CDON: variants seen among roughly 807,000 people sequenced by gnomAD.
The protein encoded by CDON is cell adhesion molecule-related/down-regulated by oncogenes.
CDON carries 73 observed loss-of-function variants against 120.9 expected under a neutral mutation model. The ratio of observed to expected loss-of-function variants is 0.60; its 90% CI spans 0.50 to 0.73. The LOEUF (loss-of-function observed/expected upper bound fraction) is 0.73, where lower values mean the gene tolerates loss of function less well. Ranked by LOEUF, CDON falls within the 30% of genes least tolerant of loss-of-function variation. CDON has a pLI of 0.00. For missense variants in CDON, 1,470 were observed against 1,587.3 expected (o/e 0.93, Z 1.26); for synonymous variants, 566 against 573.5 (o/e 0.99, Z 0.19).
chr11:126,005,875 C>A lies in CDON; in HGVS notation c.1735G>T (p.Ala579Ser). The A allele has an allele frequency of 4.3e-6, 7 of 1,614,026 alleles. No homozygotes were observed. The highest frequency in any genetic ancestry group is 5.9e-6 in the Non-Finnish European group (7 of 1,179,984). Residue 579 changes from alanine (A) to serine (S), a missense_variant, in exon 9 of 20, where the codon GCC becomes TCC. Physicochemically the swap from Ala to Ser is moderately conservative, Grantham distance 99. Transcript: ENST00000531738. Reference protein sequence around the residue: ...KNASGISVPDAPIILSPPQTH... With the variant: ...KNASGISVPDSPIILSPPQTH... ...TGTGGGGGGCTCAGTATGATGGGGG[C>A]ATCAGGAACAGAGATGCCGCTGGCG...
At chr11:125,999,583 A>C (rs80112303) in intron 11 of CDON, among the ~76,000 whole-genome samples, 4,293 of 152,246 alleles carry the variant, frequency 0.028, 75 homozygotes, top group Middle Eastern at 0.058. Context: ...CATTTCCAAA[A>C]CTGAATCCAT....
intron 15 of CDON, among the ~76,000 whole-genome samples, chr11:125,985,892 C>A (rs546600): frequency 0.23 from 34,306 of 150,922 alleles, 4,054 homozygotes; most frequent in Non-Finnish European, 0.25. Context: ...TTCAACCATT[C>A]TGGAAGACAG....
At chr11:126,052,320 G>A (rs1948583718) in intron 1 of CDON, among the ~76,000 whole-genome samples, 1 of 152,062 alleles carries the variant, frequency 6.6e-6, no homozygotes, top group Admixed American at 6.5e-5. Context: ...CCTTAAAAAG[G>A]ACTCATACTA....
rs748459324 is a variant in CDON at position 125,997,221 on chromosome 11, C to T, written c.2348G>A (p.Arg783His). The part of the protein sequence containing the change: ...IPPSKLSVEV[R>H]SLEPGSTYKF... The stretch of plus-strand genomic sequence containing the variant: ...AATATTACTACCTGGTTCTAAACTA[C>T]GAACTTCCACTGAAAGTTTGGAAGG... The change falls in exon 12 of 20, where the codon CGT becomes CAT. Residue 783 changes from arginine (R) to histidine (H), a missense_variant. Coordinates refer to ENST00000531738, the MANE Select transcript of CDON (RefSeq NM_001378964.1). The T allele has an allele frequency of 3.7e-6, 6 of 1,612,686 alleles. No homozygotes were observed. Among genetic ancestry groups the T allele is most frequent in the Middle Eastern group, 1.6e-4 (1 of 6,082 alleles).
chr11:125,964,886 G>A (rs547715920), intron 18 of CDON, among the ~76,000 whole-genome samples: 5 of 152,224 alleles, frequency 3.3e-5, no homozygotes, highest in Middle Eastern at 3.4e-3. Context: ...ATCTTTCGTC[G>A]GGGCAACCTA....
At chr11:125,994,809 T>C in intron 13 of CDON, 62 bp downstream of exon 13, 1 of 1,403,074 alleles carries the variant, frequency 7.1e-7, no homozygotes, top group Non-Finnish European at 1.0e-6. Context: ...GTCATGAGAA[T>C]ATTAAATTGA....
Position 125,981,256 on chromosome 11 carries a change from T to C in CDON, c.3069A>G (p.Ser1023=). 1 of 1,614,060 alleles carries C rather than the reference T, an allele frequency of 6.2e-7. No individual in the cohort carries two copies. The highest frequency in any genetic ancestry group is 2.2e-5 in the East Asian group (1 of 44,894). ...NGQMVDYTTL[S]GASQINGNVH... ...CATTTCCATTTATCTGACTTGCTCC[T>C]GAGAGAGTGGTGTAGTCCACCATCT... Residue 1023 remains serine (S), a synonymous_variant, in exon 17 of 20, where the codon TCA becomes TCG. Coordinates refer to ENST00000531738, the MANE Select transcript of CDON (RefSeq NM_001378964.1).
At chr11:126,026,712 C>T (rs11606876) in intron 1 of CDON, among the ~76,000 whole-genome samples, 15,854 of 152,206 alleles carry the variant, frequency 0.1, 1,064 homozygotes, top group Middle Eastern at 0.24. Context: ...AATGACTCAG[C>T]GGCAGAAGAG....
chr11:125,996,161 A>AACACACAC (rs35536827), intron 12 of CDON, among the ~76,000 whole-genome samples: 4 of 145,932 alleles, frequency 2.7e-5, no homozygotes, highest in Non-Finnish European at 1.5e-5. Flanking sequence ...GTCACAGCAA[A>AACACACAC]ACACACACAC....
At chr11:126,056,381 C>T (rs1948680830) in intron 1 of CDON, among the ~76,000 whole-genome samples, 1 of 152,188 alleles carries the variant, frequency 6.6e-6, no homozygotes, top group Admixed American at 6.5e-5. Flanking sequence ...GGACAATTTG[C>T]CCTTCTCCAG....
At chr11:125,991,324 C>A (rs678440) in intron 14 of CDON, among the ~76,000 whole-genome samples, 34,999 of 151,878 alleles carry the variant, frequency 0.23, 4,163 homozygotes, top group Non-Finnish European at 0.25. Context: ...ACTGACCAAC[C>A]AGCATGTATC....
chr11:126,045,611 T>C (rs73629855), intron 1 of CDON, among the ~76,000 whole-genome samples: 80 of 152,290 alleles, frequency 5.3e-4, no homozygotes, highest in African/African-American at 1.8e-3. Flanking sequence ...AATAATTATA[T>C]GAGATTAAAA....
rs370469702 is a variant in CDON, at chr11:125,961,840, G to T, written c.3515C>A (p.Pro1172Gln). ...CACATTGTCCTTGACGCTCTCCTCCGGCAACTGGCCACAATCAGGGACTGC... is the reference window on the plus strand; with the variant it reads ...CACATTGTCCTTGACGCTCTCCTCCTGCAACTGGCCACAATCAGGGACTGC... ...TSAVPDCGQL[P>Q]EESVKDNVEP... Residue 1172 changes from proline to glutamine, a missense_variant, in exon 19 of 20, where the codon CCG becomes CAG. Coordinates refer to ENST00000531738, the MANE Select transcript of CDON (RefSeq NM_001378964.1). 43 of 1,614,014 alleles carry T rather than the reference G, an allele frequency of 2.7e-5. No individual in the cohort carries two copies. Among genetic ancestry groups the T allele is most frequent in the Non-Finnish European group, 3.4e-5 (40 of 1,180,040 alleles).
At chr11:126,003,410 T>A (rs1947012978) in intron 10 of CDON, among the ~76,000 whole-genome samples, 1 of 152,184 alleles carries the variant, frequency 6.6e-6, no homozygotes, top group South Asian at 2.1e-4. Context: ...TTCAAAAACA[T>A]CTGTGGAATA....
At chr11:126,022,544 G>A (rs1421244008) in intron 2 of CDON, among the ~76,000 whole-genome samples, 1 of 151,972 alleles carries the variant, frequency 6.6e-6, no homozygotes, top group Non-Finnish European at 1.5e-5. Flanking sequence ...GTGGGAAGGG[G>A]GAAGAAATAG....
At chr11:125,993,394 TGCAC>T (rs1449782307) in intron 14 of CDON, among the ~76,000 whole-genome samples, 1 of 39,172 alleles carries the variant, frequency 2.6e-5, no homozygotes, top group Non-Finnish European at 4.5e-5. Flanking sequence ...CGCGCGTGCG[TGCAC>T]ACACACACAC....
In CDON at chr11:125,961,075, A is replaced by G. The variant is rs684535; in HGVS notation, c.3662T>C (p.Ile1221Thr). The G allele has an allele frequency of 6.2e-7, 1 of 1,613,176 alleles. No individual in the cohort carries two copies. The highest frequency in any genetic ancestry group is 2.2e-5 in the East Asian group (1 of 44,868). The change falls in exon 20 of 20, where the codon ATC (isoleucine) becomes ACC (threonine). Residue 1221 changes from isoleucine (I) to threonine (T), a missense_variant. Ile to Thr is a moderately conservative substitution (Grantham distance 89). Coordinates refer to ENST00000531738, the MANE Select transcript of CDON (RefSeq NM_001378964.1). ...AAGAGCATTCCAACTTACAATGTTG[A>G]TCTCTGTTTCTGAATGGGCACAGCT... ...GDSCAHSETE[I>T]NIVSWNALIL...
chr11:126,053,252 G>A (rs933457482), intron 1 of CDON, among the ~76,000 whole-genome samples: 9 of 152,152 alleles, frequency 5.9e-5, no homozygotes, highest in African/African-American at 1.4e-4. Context: ...TAAATCATGG[G>A]TACAACATAG....
At chr11:126,054,250 G>A (rs779729974) in intron 1 of CDON, among the ~76,000 whole-genome samples, 2 of 152,116 alleles carry the variant, frequency 1.3e-5, no homozygotes, top group Admixed American at 6.6e-5. Context: ...ATGTTTTTTA[G>A]TACCTATATA....
Sources: gnomAD v4.1 joint callset for allele counts (sites outside exome capture counted in the v4.1 genomes callset) on GRCh38, gnomAD v4.1.1 for gene constraint, MANE v1.5 for transcripts, NCBI Gene and HGNC (gene_info 2026-07-23, HGNC 2026-07-21) for gene names.